DLC1: variants seen among roughly 807,000 people sequenced by gnomAD.
DLC1 encodes the protein DLC1 Rho GTPase activating protein.
DLC1 carries 54 observed loss-of-function variants against 140.3 expected under a neutral mutation model. The observed-to-expected ratio is 0.38, with a 90% CI of 0.31 to 0.48. The LOEUF is 0.48. Ranked by LOEUF, DLC1 falls within the 20% of genes least tolerant of loss-of-function variation. DLC1 has a pLI of 0.96. For missense variants in DLC1, 2,536 were observed against 1,907.0 expected, an observed-to-expected ratio of 1.33 and a Z score of -6.14; for synonymous variants, 986 against 728.1, an observed-to-expected ratio of 1.35 and a Z score of -5.70.
At chr8:13,173,693 A>G (rs1825613586) in intron 5 of DLC1, among the ~76,000 whole-genome samples, 1 of 152,038 alleles carries the variant, frequency 6.6e-6, no homozygotes, top group Non-Finnish European at 1.5e-5. Context: ...TTTTTCCGCT[A>G]CTAAATTAAG....
chr8:13,546,528 T>C (rs17094611), intron 1 of DLC1, among the ~76,000 whole-genome samples: 3,725 of 152,220 alleles, frequency 0.024, 93 homozygotes, highest in Non-Finnish European at 0.03. Context: ...GAAGTCACCT[T>C]CCAGATGTCT....
chr8:13,323,415 A>G (rs1323394211), intron 4 of DLC1, among the ~76,000 whole-genome samples: 1 of 152,228 alleles, frequency 6.6e-6, no homozygotes, highest in South Asian at 2.1e-4. Flanking sequence ...CTCCTGCTAC[A>G]GTTACATTAC....
chr8:13,119,179 G>A, intron 5 of DLC1, among the ~76,000 whole-genome samples: 1 of 148,072 alleles, frequency 6.8e-6, no homozygotes, highest in East Asian at 2.0e-4. Flanking sequence ...AGTGAGCTGT[G>A]ACCACACTAC....
chr8:13,498,644 A>G (rs998386585), intron 2 of DLC1, among the ~76,000 whole-genome samples: 2 of 152,192 alleles, frequency 1.3e-5, no homozygotes, highest in Non-Finnish European at 2.9e-5. Context: ...CTTTTTGAAG[A>G]GAAAAAGAAA....
intron 1 of DLC1, among the ~76,000 whole-genome samples, chr8:13,572,366 A>G (rs1804690728): frequency 6.6e-6 from 1 of 152,070 alleles, no homozygotes; most frequent in South Asian, 2.1e-4. Context: ...TGGAGGAATT[A>G]TTTTTATATT....
Position 13,133,234 on chromosome 8 carries a change from G to A in DLC1, c.1349-17577C>T, listed in dbSNP as rs1364761895. ...GCCGGCGCTCCTGATGCGGAGAGGT[G>A]CGGCCATGTCCTGGCTGGGAGCGAA... On this transcript the variant is annotated intron_variant, in intron 5 of 17. Transcript: ENST00000276297. 16 of 1,406,578 alleles carry A rather than the reference G, an allele frequency of 1.1e-5. No homozygotes were observed. In the African/African-American group the frequency reaches 1.6e-4, roughly 14 times the overall value. The allele number at this position is 1,406,578 out of a possible 1,614,324, so 87.1% of individuals were successfully genotyped here. A position where few individuals can be genotyped will look rare whatever the true frequency, so the allele number is the denominator to read the frequency against.
At chr8:13,203,300 A>G (rs1021202283) in intron 5 of DLC1, among the ~76,000 whole-genome samples, 4 of 152,194 alleles carry the variant, frequency 2.6e-5, no homozygotes, top group African/African-American at 9.6e-5. Flanking sequence ...GTTTATTTGA[A>G]TGATTTCTTT....
intron 1 of DLC1, among the ~76,000 whole-genome samples, chr8:13,507,727 T>A (rs1008012037): frequency 1.3e-5 from 2 of 152,198 alleles, no homozygotes; most frequent in Non-Finnish European, 2.9e-5. Flanking sequence ...GAGATTAAAA[T>A]ATTATATATG....
At chr8:13,523,522 G>T (rs924489680) in intron 1 of DLC1, among the ~76,000 whole-genome samples, 2 of 152,094 alleles carry the variant, frequency 1.3e-5, no homozygotes, top group African/African-American at 2.4e-5. Context: ...AAAGAGATCT[G>T]GGCTAGACAA....
intron 2 of DLC1, among the ~76,000 whole-genome samples, chr8:13,409,637 C>G (rs1037312027): frequency 1.3e-5 from 2 of 152,220 alleles, no homozygotes; most frequent in African/African-American, 4.8e-5. Flanking sequence ...TTTCTTTTGG[C>G]TTAACCCACT....
At chr8:13,265,763 C>T (rs1005171909) in intron 5 of DLC1, among the ~76,000 whole-genome samples, 2 of 151,198 alleles carry the variant, frequency 1.3e-5, no homozygotes, top group African/African-American at 2.4e-5. Context: ...CTCCCTCCCT[C>T]ATTCCTTCCT....
intron 1 of DLC1, among the ~76,000 whole-genome samples, chr8:13,519,901 T>C (rs1802711577): frequency 6.6e-6 from 1 of 152,126 alleles, no homozygotes; most frequent in African/African-American, 2.4e-5. Flanking sequence ...ATTAGAGAAA[T>C]GCAAATCAAA....
chr8:13,453,248 G>C (rs1234165797), intron 2 of DLC1, among the ~76,000 whole-genome samples: 1 of 147,882 alleles, frequency 6.8e-6, no homozygotes, highest in East Asian at 2.0e-4. Flanking sequence ...CAAGCATTAA[G>C]AAGACTAAAG....
At chr8:13,098,269 T>G (rs754297078) in intron 10 of DLC1, 130 bp downstream of exon 10, 8 of 1,186,862 alleles carry the variant, frequency 6.7e-6, no homozygotes, top group Non-Finnish European at 7.1e-6. Flanking sequence ...AGAGAGTGAT[T>G]GCCATAGGAT....
intron 2 of DLC1, among the ~76,000 whole-genome samples, chr8:13,481,705 C>G (rs180672492): frequency 5.9e-5 from 9 of 152,266 alleles, no homozygotes; most frequent in Admixed American, 4.6e-4. Context: ...CTGGACCCCT[C>G]TCCCAATTCT....
At chr8:13,311,217 A>G (rs1832652564) in intron 4 of DLC1, among the ~76,000 whole-genome samples, 1 of 152,194 alleles carries the variant, frequency 6.6e-6, no homozygotes, top group Admixed American at 6.5e-5. Flanking sequence ...AGACAGGTTA[A>G]GTGACTTGCC....
At chr8:13,117,209 C>T (rs1274393175) in intron 5 of DLC1, among the ~76,000 whole-genome samples, 2 of 152,132 alleles carry the variant, frequency 1.3e-5, no homozygotes, top group African/African-American at 4.8e-5. Flanking sequence ...TGGTGGCTTG[C>T]GCCTATAATC....
chr8:13,508,695 G>C (rs1390354285), intron 1 of DLC1, among the ~76,000 whole-genome samples: 5 of 152,136 alleles, frequency 3.3e-5, no homozygotes, highest in Non-Finnish European at 7.3e-5. Flanking sequence ...TGGGATTACA[G>C]GCGTGAGCCA....
chr8:13,413,184 C>G (rs549482080), intron 2 of DLC1, among the ~76,000 whole-genome samples: 1 of 150,838 alleles, frequency 6.6e-6, no homozygotes, highest in Admixed American at 6.6e-5. Flanking sequence ...CAACCCGCAG[C>G]CCAGGACAGC....
Sources: gnomAD v4.1 joint callset for allele counts (sites outside exome capture counted in the v4.1 genomes callset) on GRCh38, gnomAD v4.1.1 for gene constraint, MANE v1.5 for transcripts, NCBI Gene and HGNC (gene_info 2026-07-23, HGNC 2026-07-21) for gene names.